TLL2: variants seen among roughly 807,000 people sequenced by gnomAD.
TLL2 encodes the protein tolloid like 2, also known as tolloid-like protein 2.
TLL2 carries 106 observed loss-of-function variants against 123.0 expected under a neutral mutation model. The observed-to-expected ratio is 0.86, with a 90% CI of 0.74 to 1.01. The LOEUF (loss-of-function observed/expected upper bound fraction) is 1.01. TLL2 is among the 50% of genes least tolerant of loss of function. The pLI, the probability that TLL2 is intolerant of heterozygous loss-of-function variation, is 0.00. For missense variants in TLL2, 1,332 were observed against 1,336.7 expected (o/e 1.00, Z 0.06); for synonymous variants, 494 against 516.8 (o/e 0.96, Z 0.60).
chr10:96,511,832 T>A (rs1257266371), intron 1 of TLL2, among the ~76,000 whole-genome samples: 2 of 152,148 alleles, frequency 1.3e-5, no homozygotes, highest in African/African-American at 4.8e-5. Context: ...CCCAGCAGGG[T>A]CTAGGATCTG....
chr10:96,447,854 A>G (rs1846913842), intron 2 of TLL2, among the ~76,000 whole-genome samples: 1 of 152,132 alleles, frequency 6.6e-6, no homozygotes, highest in South Asian at 2.1e-4. Context: ...TGTTTAACCC[A>G]GGGTTGCCCA....
At chr10:96,368,361 T>C (rs185949679) in intron 20 of TLL2, 139 bp from the exon 21 acceptor site, 17 of 1,004,090 alleles carry the variant, frequency 1.7e-5, no homozygotes, top group Non-Finnish European at 2.3e-5. Flanking sequence ...CCAAACAAGC[T>C]CCTTTTCAAA....
intron 9 of TLL2, among the ~76,000 whole-genome samples, chr10:96,407,241 G>C (rs976794762): frequency 4.6e-5 from 7 of 152,054 alleles, no homozygotes; most frequent in Admixed American, 2.0e-4. Flanking sequence ...TCCCATGTCA[G>C]AGAAACCCTT....
At chr10:96,400,237 G>C (rs1338240320) in intron 10 of TLL2, among the ~76,000 whole-genome samples, 1 of 150,708 alleles carries the variant, frequency 6.6e-6, no homozygotes, top group East Asian at 2.0e-4. Flanking sequence ...TCACAGACGA[G>C]AAAACTGAGA....
chr10:96,472,524 G>A (rs934017195), intron 2 of TLL2, among the ~76,000 whole-genome samples: 3 of 152,210 alleles, frequency 2.0e-5, no homozygotes, highest in Admixed American at 1.3e-4. Context: ...TACTTTGGGA[G>A]GCTGAGGCAG....
intron 1 of TLL2, among the ~76,000 whole-genome samples, chr10:96,495,558 G>A (rs1171528826): frequency 6.6e-6 from 1 of 152,050 alleles, no homozygotes; most frequent in African/African-American, 2.4e-5. Flanking sequence ...TTCATGGGAT[G>A]GTGTTAATGG....
chr10:96,480,793 C>T (rs181475252), intron 1 of TLL2, among the ~76,000 whole-genome samples: 4 of 152,302 alleles, frequency 2.6e-5, no homozygotes, highest in Admixed American at 2.0e-4. Context: ...TCTTTATGGT[C>T]CCCAAGATGT....
intron 1 of TLL2, among the ~76,000 whole-genome samples, chr10:96,507,367 C>T (rs774903593): frequency 7.9e-5 from 12 of 152,284 alleles, no homozygotes; most frequent in Non-Finnish European, 1.5e-4. Context: ...ATATAACTCA[C>T]ATGCCATAAA....
intron 6 of TLL2, among the ~76,000 whole-genome samples, chr10:96,422,288 T>C (rs1333735472): frequency 6.6e-6 from 1 of 151,878 alleles, no homozygotes; most frequent in Non-Finnish European, 1.5e-5. Context: ...GGAAATGGAG[T>C]TAGATTTCAA....
chr10:96,459,804 G>A (rs1231165539), intron 2 of TLL2, among the ~76,000 whole-genome samples: 4 of 141,494 alleles, frequency 2.8e-5, no homozygotes, highest in Non-Finnish European at 6.0e-5. Context: ...CACACTCTCT[G>A]ATAGAGGAGA....
At chr10:96,477,640 C>T (rs1370535428) in intron 2 of TLL2, among the ~76,000 whole-genome samples, 1 of 152,196 alleles carries the variant, frequency 6.6e-6, no homozygotes, top group Non-Finnish European at 1.5e-5. Context: ...AAGCACTTTG[C>T]ACATATTCTT....
intron 2 of TLL2, among the ~76,000 whole-genome samples, chr10:96,455,329 A>G (rs1564910629): frequency 6.6e-6 from 1 of 152,176 alleles, no homozygotes; most frequent in African/African-American, 2.4e-5. Flanking sequence ...TATCCCTGGG[A>G]CAGTGGAGCT....
At chr10:96,488,392 G>T (rs1395913478) in intron 1 of TLL2, among the ~76,000 whole-genome samples, 1 of 152,228 alleles carries the variant, frequency 6.6e-6, no homozygotes, top group Non-Finnish European at 1.5e-5. Flanking sequence ...CCCATGGTGT[G>T]GGACTGGATC....
intron 5 of TLL2, among the ~76,000 whole-genome samples, chr10:96,424,710 G>A (rs1487624299): frequency 6.6e-6 from 1 of 152,050 alleles, no homozygotes; most frequent in Admixed American, 6.5e-5. Flanking sequence ...AACTAGTCAA[G>A]AGTGTTGCAA....
intron 1 of TLL2, among the ~76,000 whole-genome samples, chr10:96,505,058 C>A (rs1314740849): frequency 6.6e-6 from 1 of 151,914 alleles, no homozygotes; most frequent in Admixed American, 6.6e-5. Flanking sequence ...AAAGATACTA[C>A]CTGCGACTGG....
chr10:96,406,753 G>A (rs968848775), intron 9 of TLL2, among the ~76,000 whole-genome samples: 1 of 152,078 alleles, frequency 6.6e-6, no homozygotes, highest in Non-Finnish European at 1.5e-5. Context: ...CCTACTAGGT[G>A]AGAGCACCTC....
At chr10:96,487,388 A>G (rs988043157) in intron 1 of TLL2, among the ~76,000 whole-genome samples, 5 of 150,620 alleles carry the variant, frequency 3.3e-5, no homozygotes, top group Admixed American at 2.0e-4. Context: ...CATCACCACT[A>G]TTTGCCCTCC....
chr10:96,493,224 T>C (rs1156917548), intron 1 of TLL2, among the ~76,000 whole-genome samples: 1 of 152,148 alleles, frequency 6.6e-6, no homozygotes, highest in Non-Finnish European at 1.5e-5. Context: ...CCAGGCCCCC[T>C]CTCAATTCTA....
At chr10:96,372,285 T>G (rs150151765) in intron 19 of TLL2, among the ~76,000 whole-genome samples, 1 of 152,232 alleles carries the variant, frequency 6.6e-6, no homozygotes, top group Non-Finnish European at 1.5e-5. Flanking sequence ...CTAATTTATA[T>G]TTTCCGGTAC....
Sources: allele counts gnomAD v4.1 joint callset (sites outside exome capture counted in the v4.1 genomes callset), GRCh38; gene constraint gnomAD v4.1.1; transcripts MANE v1.5; gene names NCBI Gene and HGNC (gene_info 2026-07-23, HGNC 2026-07-21).